PSTPIP2: variants seen among roughly 807,000 people sequenced by gnomAD.
PSTPIP2 encodes the protein proline-serine-threonine phosphatase interacting protein 2, also known as proline-serine-threonine phosphatase-interacting protein 2.
PSTPIP2 carries 33 observed loss-of-function variants against 63.3 expected under a neutral mutation model. That is an observed-to-expected ratio of 0.52 (90% confidence interval 0.40 to 0.70). The LOEUF is 0.70. PSTPIP2 is among the 30% of genes least tolerant of loss of function. The pLI is 0.00. For synonymous variants in PSTPIP2, 125 were observed against 132.7 expected (o/e 0.94, Z 0.40); for missense variants, 312 against 400.7 (o/e 0.78, Z 1.89).
Position 46,072,219 on chromosome 18 carries a change from C to T in PSTPIP2, c.-31G>A. ...CGCGAGTGGGGGCGCGGAGGAGAGC[C>T]GGGCCGCAGGTAGCACAGAGCGGGG... On this transcript the variant is annotated 5_prime_UTR_variant, in exon 1 of 15. Transcript: ENST00000409746. 1 of 1,531,820 alleles carries T rather than the reference C, an allele frequency of 6.5e-7. No homozygotes were observed. Among genetic ancestry groups the T allele is most frequent in the Non-Finnish European group, 8.8e-7 (1 of 1,139,276 alleles). The allele number at this position is 1,531,820 out of a possible 1,614,324, so 94.9% of individuals were successfully genotyped here. A position where few individuals can be genotyped will look rare whatever the true frequency, so the allele number is the denominator to read the frequency against.
chr18:45,996,480 A>G (rs2051595357), intron 9 of PSTPIP2, among the ~76,000 whole-genome samples: 1 of 152,208 alleles, frequency 6.6e-6, no homozygotes, highest in Non-Finnish European at 1.5e-5. Context: ...CCTCACTTTG[A>G]GAACCACTGG....
Position 46,020,131 on chromosome 18 carries a change from G to A in PSTPIP2, c.213-4194C>T, listed in dbSNP as rs536982395. On this transcript the variant is annotated intron_variant, in intron 3 of 14. Coordinates refer to ENST00000409746, the MANE Select transcript of PSTPIP2 (RefSeq NM_024430.4). ...CATCATCACTTCATTGCCATTCCTCGTGTTCAGGACAAAATGACATTCCAG... is the reference window on the plus strand; with the variant it reads ...CATCATCACTTCATTGCCATTCCTCATGTTCAGGACAAAATGACATTCCAG... Among the ~76,000 whole-genome samples, 6 of 152,080 alleles carry A rather than the reference G, an allele frequency of 3.9e-5. No homozygotes were observed. The East Asian group carries it at 7.7e-4, about 20-fold the overall frequency.
At chr18:46,029,687 A>G in intron 2 of PSTPIP2, 1 of 704,968 alleles carries the variant, frequency 1.4e-6, no homozygotes, top group South Asian at 1.6e-5. Context: ...GGAAAAATGA[A>G]AGAAGCAGTC....
At chr18:46,020,522 G>A (rs548547250) in intron 3 of PSTPIP2, among the ~76,000 whole-genome samples, 15 of 152,216 alleles carry the variant, frequency 9.9e-5, no homozygotes, top group African/African-American at 3.4e-4. Flanking sequence ...GTGGGGTGGC[G>A]AGTGCCTATA....
chr18:46,021,476 TG>T (rs1340244074), intron 3 of PSTPIP2, among the ~76,000 whole-genome samples: 1 of 151,326 alleles, frequency 6.6e-6, no homozygotes, highest in East Asian at 1.9e-4. Flanking sequence ...ATACTAATAT[TG>T]TTAGGTCTTC....
intron 1 of PSTPIP2, among the ~76,000 whole-genome samples, chr18:46,068,104 AT>A (rs1305279904): frequency 1.3e-5 from 2 of 152,172 alleles, no homozygotes; most frequent in East Asian, 3.8e-4. Context: ...TATTCCAAAA[AT>A]TAAAAAATAA....
chr18:45,991,777 G>T, intron 12 of PSTPIP2, 125 bp downstream of exon 12: 1 of 914,396 alleles, frequency 1.1e-6, no homozygotes. Flanking sequence ...TTTCCAAAAA[G>T]CAAGCAGCCT....
intron 1 of PSTPIP2, among the ~76,000 whole-genome samples, chr18:46,042,349 A>G (rs1908223559): frequency 6.6e-6 from 1 of 152,094 alleles, no homozygotes; most frequent in Non-Finnish European, 1.5e-5. Flanking sequence ...TGATGCTAAC[A>G]TTATCCTCTC....
chr18:46,067,234 G>T (rs1909222596), intron 1 of PSTPIP2, among the ~76,000 whole-genome samples: 1 of 152,098 alleles, frequency 6.6e-6, no homozygotes, highest in Admixed American at 6.6e-5. Flanking sequence ...TGGGCGCAGT[G>T]GCTCACTCCT....
chr18:46,039,737 G>A (rs1013263894), intron 2 of PSTPIP2, among the ~76,000 whole-genome samples: 1 of 151,948 alleles, frequency 6.6e-6, no homozygotes, highest in Admixed American at 6.6e-5. Flanking sequence ...TAATTCGTTC[G>A]CAGTTTCATC....
rs981997590 is a variant in PSTPIP2 at position 45,990,856 on chromosome 18, G to A, written c.921-100C>T. On this transcript the variant is annotated intron_variant, in intron 12 of 14. Transcript: ENST00000409746. Reference sequence around the variant, plus strand: ...GCCTATTGTACTCTAATCAGATCTGGTTTCTGCACTGGAGGGTCAAGAAAG... The same window carrying A: ...GCCTATTGTACTCTAATCAGATCTGATTTCTGCACTGGAGGGTCAAGAAAG... 7 of 968,192 alleles carry A rather than the reference G, an allele frequency of 7.2e-6. No individual in the cohort carries two copies. The African/African-American group carries it at 8.5e-5, about 12-fold the overall frequency. 60.0% of individuals were successfully genotyped at this position (968,192 alleles called of 1,614,324 possible).
chr18:46,037,013 T>C (rs1028499506), intron 2 of PSTPIP2, among the ~76,000 whole-genome samples: 1 of 152,218 alleles, frequency 6.6e-6, no homozygotes, highest in African/African-American at 2.4e-5. Context: ...AGGTATAACA[T>C]TGGACAAGAG....
chr18:46,032,175 A>C (rs1392167788), intron 2 of PSTPIP2, among the ~76,000 whole-genome samples: 2 of 152,348 alleles, frequency 1.3e-5, no homozygotes, highest in Non-Finnish European at 2.9e-5. Flanking sequence ...GCATCGTACT[A>C]GGTGCTAAGA....
intron 9 of PSTPIP2, among the ~76,000 whole-genome samples, chr18:45,996,769 AAAAAT>A (rs1265580316): frequency 2.0e-5 from 3 of 152,092 alleles, no homozygotes; most frequent in African/African-American, 7.2e-5. Flanking sequence ...CTGTCTCTTT[AAAAAT>A]AAAATAAATA....
chr18:46,053,590 G>A (rs1238341498), intron 1 of PSTPIP2, among the ~76,000 whole-genome samples: 3 of 152,160 alleles, frequency 2.0e-5, no homozygotes, highest in African/African-American at 7.2e-5. Flanking sequence ...ATTCAATTCA[G>A]CCAGACCATT....
intron 5 of PSTPIP2, among the ~76,000 whole-genome samples, chr18:46,007,895 G>A (rs1164258259): frequency 2.0e-5 from 3 of 152,178 alleles, no homozygotes; most frequent in African/African-American, 4.8e-5. Flanking sequence ...GGCCCAAGAG[G>A]TGAGACACTT....
At chr18:46,009,196 C>T (rs1439181860) in intron 5 of PSTPIP2, among the ~76,000 whole-genome samples, 1 of 152,012 alleles carries the variant, frequency 6.6e-6, no homozygotes, top group Non-Finnish European at 1.5e-5. Flanking sequence ...CCAGCCCTTC[C>T]AGGACCTGCA....
chr18:46,032,131 A>G (rs1907807969), intron 2 of PSTPIP2, among the ~76,000 whole-genome samples: 1 of 152,110 alleles, frequency 6.6e-6, no homozygotes, highest in Non-Finnish European at 1.5e-5. Context: ...CTGATCATCA[A>G]TTTGTCATTT....
At chr18:46,065,402 C>T (rs1909151521) in intron 1 of PSTPIP2, among the ~76,000 whole-genome samples, 1 of 151,946 alleles carries the variant, frequency 6.6e-6, no homozygotes. Context: ...AACGATTCTC[C>T]TGTCTCAGCC....
Sources: allele counts gnomAD v4.1 joint callset (sites outside exome capture counted in the v4.1 genomes callset), GRCh38; gene constraint gnomAD v4.1.1; transcripts MANE v1.5; gene names NCBI Gene and HGNC (gene_info 2026-07-23, HGNC 2026-07-21).